The following COL26A1 variants were observed in gnomAD, a reference collection of about 807,000 sequenced individuals.
COL26A1 encodes the protein collagen type XXVI alpha 1 chain.
In COL26A1, 41 loss-of-function variants were observed where a neutral mutation model predicts 59.3. That is an observed-to-expected ratio of 0.69 (90% CI 0.54 to 0.90). COL26A1 has a LOEUF of 0.90. Among genes scored for constraint, COL26A1 ranks in the 40% least tolerant of loss-of-function variants. The pLI, the probability that COL26A1 is intolerant of heterozygous loss-of-function variation, is 0.00. For missense variants in COL26A1, 612 were observed against 602.3 expected (o/e 1.02, Z -0.17); for synonymous variants, 266 against 256.0 (o/e 1.04, Z -0.37).
chr7:101,514,431 T>C (rs1679990902), intron 3 of COL26A1, among the ~76,000 whole-genome samples: 1 of 152,182 alleles, frequency 6.6e-6, no homozygotes, highest in South Asian at 2.1e-4. Context: ...TGCTGAGGTT[T>C]TGGACAGCTG....
At chr7:101,390,162 T>G (rs950319376) in intron 1 of COL26A1, among the ~76,000 whole-genome samples, 4 of 143,528 alleles carry the variant, frequency 2.8e-5, no homozygotes, top group South Asian at 2.3e-4. Flanking sequence ...TTTTTTTTTT[T>G]TTTTTTTTTT....
intron 8 of COL26A1, 64 bp from the exon 9 acceptor site, chr7:101,549,106 TG>T: frequency 1.2e-6 from 1 of 809,880 alleles, no homozygotes; most frequent in East Asian, 2.8e-5. Flanking sequence ...GAACAGGTGC[TG>T]GGGTGGGAGG....
chr7:101,470,176 T>G (rs1412750222), intron 3 of COL26A1, among the ~76,000 whole-genome samples: 3 of 150,764 alleles, frequency 2.0e-5, no homozygotes, highest in African/African-American at 7.3e-5. Flanking sequence ...TCGATCTCAC[T>G]GCAACCTCTG....
intron 10 of COL26A1, 28 bp from the exon 11 acceptor site, chr7:101,553,298 A>G (rs1407786247): frequency 1.2e-6 from 2 of 1,610,530 alleles, no homozygotes; most frequent in East Asian, 2.2e-5. Flanking sequence ...CTCCCGTTCC[A>G]GTGTTGACTG....
intron 3 of COL26A1, among the ~76,000 whole-genome samples, chr7:101,520,520 C>CA: frequency 6.6e-6 from 1 of 152,048 alleles, no homozygotes; most frequent in East Asian, 1.9e-4. Flanking sequence ...TTCGTCTGTA[C>CA]AAAAAAATTT....
chr7:101,523,051 T>C (rs1795170494), intron 3 of COL26A1, among the ~76,000 whole-genome samples: 1 of 152,114 alleles, frequency 6.6e-6, no homozygotes, highest in Non-Finnish European at 1.5e-5. Context: ...CTTAATGGTG[T>C]CTTTTGATGA....
intron 3 of COL26A1, among the ~76,000 whole-genome samples, chr7:101,461,459 C>A (rs1037555186): frequency 6.6e-6 from 1 of 151,978 alleles, no homozygotes; most frequent in African/African-American, 2.4e-5. Flanking sequence ...CCACTACACC[C>A]GGGTAATTTT....
chr7:101,447,038 A>T (rs1323303590), intron 2 of COL26A1, among the ~76,000 whole-genome samples: 3 of 151,900 alleles, frequency 2.0e-5, no homozygotes, highest in Non-Finnish European at 4.4e-5. Context: ...ATGGAATCGT[A>T]GGGGGTCGAA....
At position 101,510,898 on chromosome 7, in the gene COL26A1, CTTT is replaced by C. The variant is rs908747824; in HGVS notation, c.386-22166_386-22164del. 5.3e-5 allele frequency among the ~76,000 whole-genome samples: 7 copies of C among 130,924 alleles called. No individual in the cohort carries two copies. The East Asian group carries it at 1.1e-3, about 21-fold the overall frequency. The allele number at this position is 130,924 out of a possible 152,430, so 85.9% of individuals were successfully genotyped here. On this transcript the variant is annotated intron_variant, in intron 3 of 12. Transcript: ENST00000313669. Reference sequence around the variant, plus strand: ...CTCACTTTTTTCTTTTTCTTTCTTTCTTTTTTTTTTTTTTTTTTTTGAGACGGA... The same window carrying C: ...CTCACTTTTTTCTTTTTCTTTCTTTCTTTTTTTTTTTTTTTTTGAGACGGA...
chr7:101,469,923 C>G (rs192079517), intron 3 of COL26A1, among the ~76,000 whole-genome samples: 1 of 152,152 alleles, frequency 6.6e-6, no homozygotes, highest in East Asian at 1.9e-4. Flanking sequence ...GAGAGATGCA[C>G]GTGAAGTGGC....
chr7:101,382,506 A>AT (rs1192597416), intron 1 of COL26A1, among the ~76,000 whole-genome samples: 1 of 152,000 alleles, frequency 6.6e-6, no homozygotes, highest in Admixed American at 6.6e-5. Context: ...CTGAACTCTT[A>AT]TTTTCTACTG....
chr7:101,439,618 G>A (rs377507494), intron 2 of COL26A1, among the ~76,000 whole-genome samples: 17 of 150,156 alleles, frequency 1.1e-4, no homozygotes, highest in African/African-American at 4.1e-4. Context: ...CAGTGTGGCT[G>A]GAAAACAAAG....
chr7:101,385,255 A>ACACACT, intron 1 of COL26A1, among the ~76,000 whole-genome samples: 1 of 150,380 alleles, frequency 6.6e-6, no homozygotes, highest in South Asian at 2.1e-4. Context: ...ATATATACAC[A>ACACACT]CACACACATA....
chr7:101,489,662 TTCCTTCCTTCC>T (rs1794353519), intron 3 of COL26A1, among the ~76,000 whole-genome samples: 1 of 53,724 alleles, frequency 1.9e-5, no homozygotes, highest in African/African-American at 2.0e-4. Context: ...TCTTTCTTTC[TTCCTTCCTTCC>T]TTCCTTCCTT....
intron 3 of COL26A1, among the ~76,000 whole-genome samples, chr7:101,448,504 T>G (rs1793254594): frequency 6.6e-6 from 1 of 152,012 alleles, no homozygotes; most frequent in Admixed American, 6.6e-5. Flanking sequence ...TTTTCTTTTT[T>G]TTTTTTGAGA....
chr7:101,448,092 T>C (rs1793245008), intron 3 of COL26A1, among the ~76,000 whole-genome samples: 1 of 152,212 alleles, frequency 6.6e-6, no homozygotes, highest in South Asian at 2.1e-4. Context: ...TTTCTTCCAC[T>C]TTTGGCTCCG....
At position 101,553,231 on chromosome 7, in the gene COL26A1, G is replaced by A. The variant is rs1413937886; in HGVS notation, c.1030-95G>A. On this transcript the variant is annotated intron_variant, in intron 10 of 12. Coordinates refer to ENST00000313669, the MANE Select transcript of COL26A1 (RefSeq NM_001278563.3). ...TTCCCAGGCCCTGCCTGCCCAGCCT[G>A]CCCCTGACTCCCTGCAGGCCCCCAG... 16 of 1,137,312 alleles carry A rather than the reference G, an allele frequency of 1.4e-5. No homozygotes were observed. In the East Asian group the frequency reaches 3.3e-4, roughly 23 times the overall value. The allele number at this position is 1,137,312 out of a possible 1,614,324, so 70.5% of individuals were successfully genotyped here.
chr7:101,363,136 A>G lies in COL26A1; in HGVS notation c.104A>G (p.His35Arg). The change falls in exon 1 of 13, where the codon CAC (histidine) becomes CGC (arginine). Residue 35 changes from histidine to arginine, a missense_variant. Coordinates refer to ENST00000313669, the MANE Select transcript of COL26A1 (RefSeq NM_001278563.3). ...TTCTCGGCCGCAGCTCTGCAGCAGC[A>G]CGGCTACCCCGAGCCCGGCGCCGGC... is the stretch of plus-strand genomic sequence containing the variant. Reference protein sequence around the residue: ...YPFSAAALQQHGYPEPGAGSP... With the variant: ...YPFSAAALQQRGYPEPGAGSP... 6.7e-7 allele frequency: 1 copy of G among 1,494,092 alleles called. No homozygotes were observed. Among genetic ancestry groups the G allele is most frequent in the Non-Finnish European group, 8.9e-7 (1 of 1,127,348 alleles). 92.6% of individuals were successfully genotyped at this position (1,494,092 alleles called of 1,614,324 possible).
chr7:101,386,257 GT>G (rs71106515), intron 1 of COL26A1, among the ~76,000 whole-genome samples: 7,023 of 117,686 alleles, frequency 0.06, 153 homozygotes, highest in African/African-American at 0.12. Context: ...GTCCTAGCTT[GT>G]TTTTTTTTTT....
Sources: gnomAD v4.1 joint callset for allele counts (sites outside exome capture counted in the v4.1 genomes callset) on GRCh38, gnomAD v4.1.1 for gene constraint, MANE v1.5 for transcripts, NCBI Gene and HGNC (gene_info 2026-07-23, HGNC 2026-07-21) for gene names.